CCDC149: variants seen among roughly 807,000 people sequenced by gnomAD.
CCDC149 encodes coiled-coil domain containing 149.
CCDC149 carries 45 observed loss-of-function variants against 59.9 expected under a neutral mutation model. The ratio of observed to expected loss-of-function variants is 0.75; its 90% CI spans 0.59 to 0.96. The LOEUF is 0.96. Ranked by LOEUF, CCDC149 falls within the 40% of genes least tolerant of loss-of-function variation. The pLI, the probability that CCDC149 is intolerant of heterozygous loss-of-function variation, is 0.00. For missense variants in CCDC149, 584 were observed against 664.7 expected (o/e 0.88, Z 1.33); for synonymous variants, 245 against 260.6 (o/e 0.94, Z 0.58).
At chr4:24,916,952 T>G (rs933754722), upstream of CCDC149, among the ~76,000 whole-genome samples, 1 of 152,156 alleles carries the variant, frequency 6.6e-6, no homozygotes, top group Non-Finnish European at 1.5e-5. Context: ...ATCAGGAGAC[T>G]GCAGGTCCTG....
chr4:24,919,059 A>C (rs958982319), intron 1 of CCDC149, among the ~76,000 whole-genome samples: 1 of 152,206 alleles, frequency 6.6e-6, no homozygotes, highest in Non-Finnish European at 1.5e-5. Context: ...AAAGAGGTAC[A>C]TGGATGCCCC....
At chr4:24,971,359 T>C (rs931918270) in intron 1 of CCDC149, among the ~76,000 whole-genome samples, 1 of 151,674 alleles carries the variant, frequency 6.6e-6, no homozygotes, top group East Asian at 1.9e-4. Context: ...GGAGGTGGAG[T>C]ATGAGGGAGA....
At chr4:24,978,971 C>G (rs531940446) in intron 1 of CCDC149, among the ~76,000 whole-genome samples, 1 of 152,238 alleles carries the variant, frequency 6.6e-6, no homozygotes, top group East Asian at 1.9e-4. Flanking sequence ...TGAGTTACCC[C>G]GAAAAGGAGA....
At chr4:24,954,475 T>A (rs1462543866) in intron 1 of CCDC149, among the ~76,000 whole-genome samples, 1 of 152,206 alleles carries the variant, frequency 6.6e-6, no homozygotes, top group East Asian at 1.9e-4. Flanking sequence ...CATGTGGAGG[T>A]AGCCATAACT....
chr4:24,876,706 C>A lies in CCDC149; in HGVS notation c.64-9G>T, dbSNP rs754853389. On this transcript the variant is annotated splice_polypyrimidine_tract_variant and intron_variant, in intron 1 of 12. Transcript: ENST00000635206. ...CTCTTACACACCAGGTACTGCAAAG[C>A]AAACAAATCCAGGCAATGGGTCAAA... The A allele has an allele frequency of 5.9e-5, 94 of 1,601,100 alleles. No individual in the cohort carries two copies. In the South Asian group the frequency reaches 9.6e-4, roughly 16 times the overall value.
intron 3 of CCDC149, among the ~76,000 whole-genome samples, chr4:24,863,501 G>A (rs1219329034): frequency 6.6e-6 from 1 of 152,208 alleles, no homozygotes; most frequent in African/African-American, 2.4e-5. Context: ...AATTATGACA[G>A]TAAGAGAAAT....
At chr4:24,903,693 A>G (rs1721311330) in intron 1 of CCDC149, among the ~76,000 whole-genome samples, 2 of 152,168 alleles carry the variant, frequency 1.3e-5, no homozygotes, top group African/African-American at 4.8e-5. Context: ...CATAGAATAC[A>G]TCCATAAATC....
chr4:24,895,408 A>G lies in CCDC149; in HGVS notation c.63+17409T>C, dbSNP rs1720793508. ...TAAATTCATTTTTAGAAATTAGGGCATGGAAACATGGAAGATTACAGCAGT... is the reference window on the plus strand; with the variant it reads ...TAAATTCATTTTTAGAAATTAGGGCGTGGAAACATGGAAGATTACAGCAGT... On this transcript the variant is annotated intron_variant, in intron 1 of 12. Coordinates refer to ENST00000635206, the MANE Select transcript of CCDC149 (RefSeq NM_001330643.2). Among the ~76,000 whole-genome samples, 3 of 152,244 alleles carry G rather than the reference A, an allele frequency of 2.0e-5. No homozygotes were observed. In the South Asian group the frequency reaches 6.2e-4, roughly 32 times the overall value.
chr4:24,962,215 C>T (rs1203895335), intron 1 of CCDC149, among the ~76,000 whole-genome samples: 1 of 152,194 alleles, frequency 6.6e-6, no homozygotes, highest in Non-Finnish European at 1.5e-5. Context: ...AAAAAATGCT[C>T]ATCATCACTG....
At chr4:24,950,062 G>A (rs1440541404) in intron 1 of CCDC149, among the ~76,000 whole-genome samples, 1 of 152,154 alleles carries the variant, frequency 6.6e-6, no homozygotes, top group Non-Finnish European at 1.5e-5. Flanking sequence ...TCTCTGCAGG[G>A]GTCACCCCTG....
intron 3 of CCDC149, among the ~76,000 whole-genome samples, chr4:24,872,075 G>A (rs1444792797): frequency 2.0e-5 from 3 of 152,190 alleles, no homozygotes; most frequent in Admixed American, 2.0e-4. Flanking sequence ...AAGAAGGTTA[G>A]CCCAAAAAGA....
chr4:24,885,219 G>C (rs1201805142), intron 1 of CCDC149, among the ~76,000 whole-genome samples: 1 of 152,206 alleles, frequency 6.6e-6, no homozygotes, highest in Non-Finnish European at 1.5e-5. Flanking sequence ...GGAGCTCCGA[G>C]GGGCTTTGAA....
intron 1 of CCDC149, among the ~76,000 whole-genome samples, chr4:24,964,453 AT>A (rs1237985626): frequency 6.6e-6 from 1 of 152,200 alleles, no homozygotes; most frequent in Non-Finnish European, 1.5e-5. Flanking sequence ...AAATTCCTCA[AT>A]ATTTGAAACT....
At chr4:24,963,332 C>G (rs1723699998) in intron 1 of CCDC149, among the ~76,000 whole-genome samples, 1 of 152,110 alleles carries the variant, frequency 6.6e-6, no homozygotes, top group Admixed American at 6.5e-5. Flanking sequence ...TTTCAATCAC[C>G]AAAGCCAGGG....
rs1577390933 is a variant in CCDC149, at chr4:24,831,747, A to G, written c.821-97T>C. Reference sequence around the variant, plus strand: ...CCTTCTTGGATAATGATATGTCCCCAGCTTCAAAATGCTACTATGTTGTAT... The same window carrying G: ...CCTTCTTGGATAATGATATGTCCCCGGCTTCAAAATGCTACTATGTTGTAT... On this transcript the variant is annotated intron_variant, in intron 8 of 12. Transcript: ENST00000635206. 7.1e-6 allele frequency: 8 copies of G among 1,119,608 alleles called. No individual in the cohort carries two copies. The East Asian group carries it at 1.0e-4, about 14-fold the overall frequency. 69.4% of individuals were successfully genotyped at this position (1,119,608 alleles called of 1,614,324 possible).
intron 1 of CCDC149, among the ~76,000 whole-genome samples, chr4:24,921,461 T>C (rs1722291336): frequency 1.3e-5 from 2 of 152,374 alleles, no homozygotes; most frequent in Non-Finnish European, 1.5e-5. Flanking sequence ...GCCTCCCTCA[T>C]GACTGAGAGC....
chr4:24,811,235 T>C (rs1156720807), intron 12 of CCDC149, among the ~76,000 whole-genome samples: 4 of 152,234 alleles, frequency 2.6e-5, no homozygotes, highest in Non-Finnish European at 4.4e-5. Flanking sequence ...TCCAAGATTC[T>C]ACCATCCAAT....
intron 3 of CCDC149, among the ~76,000 whole-genome samples, chr4:24,855,694 A>G (rs576943963): frequency 6.6e-6 from 1 of 152,170 alleles, no homozygotes; most frequent in East Asian, 1.9e-4. Context: ...ACTCCATCGA[A>G]TTTTTCAGCC....
At chr4:24,963,745 T>C (rs1235027672) in intron 1 of CCDC149, among the ~76,000 whole-genome samples, 2 of 152,182 alleles carry the variant, frequency 1.3e-5, no homozygotes, top group East Asian at 1.9e-4. Context: ...CTGAAATGAA[T>C]GAGATGTTGG....
Sources: gnomAD v4.1 joint callset for allele counts (sites outside exome capture counted in the v4.1 genomes callset) on GRCh38, gnomAD v4.1.1 for gene constraint, MANE v1.5 for transcripts, NCBI Gene and HGNC (gene_info 2026-07-23, HGNC 2026-07-21) for gene names.